The following AK5 variants were observed in gnomAD, a reference collection of about 807,000 sequenced individuals.
AK5 encodes the protein adenylate kinase 5, also known as adenylate kinase isoenzyme 5.
In AK5, 27 loss-of-function variants were observed where a neutral mutation model predicts 69.5. The observed-to-expected ratio is 0.39, with a 90% confidence interval of 0.29 to 0.54. AK5 has a LOEUF of 0.54. Among genes scored for constraint, AK5 ranks in the 20% least tolerant of loss-of-function variants. The pLI is 0.71. For missense variants in AK5, 531 were observed against 700.4 expected (o/e 0.76, Z 2.73); for synonymous variants, 260 against 244.4 (o/e 1.06, Z -0.60).
In AK5 at chr1:77,411,021, T is replaced by G. The variant is rs1387809218; in HGVS notation, c.932T>G (p.Ile311Ser). ...DRDEDEVFYD[I>S]SMAVDNKLFP... ...GATGAGGATGAGGTGTTCTATGACATCAGCATGGCAGTTGACAACAAGTTA... is the reference window on the plus strand; with the variant it reads ...GATGAGGATGAGGTGTTCTATGACAGCAGCATGGCAGTTGACAACAAGTTA... Residue 311 changes from isoleucine to serine, a missense_variant, in exon 7 of 14, where the codon ATC becomes AGC. Ile to Ser is a moderately radical substitution (Grantham distance 142). Coordinates refer to ENST00000354567, the MANE Select transcript of AK5 (RefSeq NM_174858.3). 6.2e-7 allele frequency: 1 copy of G among 1,613,966 alleles called. No individual in the cohort carries two copies. The highest frequency in any genetic ancestry group is 8.5e-7 in the Non-Finnish European group (1 of 1,179,920).
chr1:77,390,747 T>G (rs532221009), intron 6 of AK5, among the ~76,000 whole-genome samples: 23 of 152,238 alleles, frequency 1.5e-4, no homozygotes, highest in Non-Finnish European at 2.8e-4. Flanking sequence ...AATTTACATC[T>G]TTTTATGTAT....
chr1:77,401,304 A>C (rs1300542801), intron 6 of AK5, among the ~76,000 whole-genome samples: 3 of 152,240 alleles, frequency 2.0e-5, no homozygotes, highest in African/African-American at 7.2e-5. Flanking sequence ...ATCTCCAAAC[A>C]TATAAAAGAA....
intron 13 of AK5, among the ~76,000 whole-genome samples, chr1:77,554,754 C>T (rs1338711984): frequency 4.7e-5 from 7 of 150,416 alleles, no homozygotes; most frequent in East Asian, 4.0e-4. Flanking sequence ...TACAGGCGCC[C>T]GCCACCATGC....
At chr1:77,491,986 A>C (rs1656033024) in intron 10 of AK5, among the ~76,000 whole-genome samples, 1 of 152,168 alleles carries the variant, frequency 6.6e-6, no homozygotes, top group South Asian at 2.1e-4. Flanking sequence ...ATTTATTTTC[A>C]AGAAAATTTC....
At chr1:77,434,107 C>CATAAATAA (rs144552494) in intron 8 of AK5, among the ~76,000 whole-genome samples, 239 of 143,584 alleles carry the variant, frequency 1.7e-3, no homozygotes, top group African/African-American at 4.4e-3. Context: ...GAGTGCAAAG[C>CATAAATAA]ATAAATAAAT....
At chr1:77,300,140 A>G (rs1397321390) in intron 5 of AK5, among the ~76,000 whole-genome samples, 2 of 152,182 alleles carry the variant, frequency 1.3e-5, no homozygotes, top group African/African-American at 4.8e-5. Context: ...GAGGGAGGGA[A>G]GAGAGGATTC....
intron 8 of AK5, among the ~76,000 whole-genome samples, chr1:77,431,249 A>G (rs7537574): frequency 0.38 from 57,439 of 152,070 alleles, 11,757 homozygotes; most frequent in Non-Finnish European, 0.46. Context: ...ATTTCATTTG[A>G]TATTAGTGAA....
Position 77,472,243 on chromosome 1 carries a change from G to T in AK5, c.1060-11074G>T, listed in dbSNP as rs1261404775. On this transcript the variant is annotated intron_variant, in intron 8 of 13. Transcript: ENST00000354567. Reference sequence around the variant, plus strand: ...GTCCAGCAGGGACACAAGGTCACATGGGGCCCAGGCAGTTTCCCTATTTCC... The same window carrying T: ...GTCCAGCAGGGACACAAGGTCACATTGGGCCCAGGCAGTTTCCCTATTTCC... Among the ~76,000 whole-genome samples, 7 of 152,178 alleles carry T rather than the reference G, an allele frequency of 4.6e-5. No individual in the cohort carries two copies. In the South Asian group the frequency reaches 1.2e-3, roughly 27 times the overall value.
chr1:77,558,531 G>GTGTT, intron 13 of AK5, 71 bp from the exon 14 acceptor site: 2 of 975,282 alleles, frequency 2.1e-6, no homozygotes, highest in South Asian at 2.9e-5. Flanking sequence ...GCAAGTGATA[G>GTGTT]TGTTCTTTCA....
rs576485607 is a variant in AK5, at chr1:77,345,100, A to G, written c.891+4532A>G. The stretch of plus-strand genomic sequence containing the variant: ...ATTCAGCCAGAAAAACATGGATTTC[A>G]CCAGGGAAATGGATATACACTTGTG... On this transcript the variant is annotated intron_variant, in intron 6 of 13. Coordinates refer to ENST00000354567, the MANE Select transcript of AK5 (RefSeq NM_174858.3). Among the ~76,000 whole-genome samples the G allele has an allele frequency of 2.6e-5, 4 of 152,240 alleles. No homozygotes were observed. The South Asian group carries it at 6.2e-4, about 24-fold the overall frequency.
intron 6 of AK5, among the ~76,000 whole-genome samples, chr1:77,341,157 G>A (rs1008204920): frequency 1.3e-5 from 2 of 152,106 alleles, no homozygotes; most frequent in Non-Finnish European, 2.9e-5. Context: ...TTGTTTTATG[G>A]CTAATGATAT....
chr1:77,368,237 A>ATGT (rs1362600336), intron 6 of AK5, among the ~76,000 whole-genome samples: 3,259 of 7,820 alleles, frequency 0.42, 346 homozygotes, highest in East Asian at 0.46. Flanking sequence ...ATATATATAT[A>ATGT]TATATATATA....
chr1:77,325,544 A>T (rs1271736791), intron 5 of AK5, among the ~76,000 whole-genome samples: 1 of 152,126 alleles, frequency 6.6e-6, no homozygotes. Context: ...CCATATGATC[A>T]TGTGCTGCTC....
chr1:77,466,323 T>C (rs1654140663), intron 8 of AK5, among the ~76,000 whole-genome samples: 1 of 152,232 alleles, frequency 6.6e-6, no homozygotes, highest in Non-Finnish European at 1.5e-5. Flanking sequence ...GCTCCTGTTT[T>C]AATCATCCTA....
chr1:77,425,309 G>T (rs992054457), intron 8 of AK5, among the ~76,000 whole-genome samples: 25 of 152,188 alleles, frequency 1.6e-4, no homozygotes. Flanking sequence ...CATAGAGCCA[G>T]GCATGGTGGC....
chr1:77,478,523 C>A (rs962177560), intron 8 of AK5, among the ~76,000 whole-genome samples: 1 of 152,186 alleles, frequency 6.6e-6, no homozygotes, highest in African/African-American at 2.4e-5. Context: ...TGTGAGGGTT[C>A]TTCAGCCACG....
intron 8 of AK5, among the ~76,000 whole-genome samples, chr1:77,423,213 T>C (rs1182458181): frequency 2.1e-5 from 2 of 93,366 alleles, no homozygotes; most frequent in African/African-American, 4.5e-5. Context: ...AGAGCAAGAC[T>C]CCGTCTAAAA....
Position 77,297,895 on chromosome 1 carries a change from TTATTGA to T in AK5, c.649_654del (p.Ile217_Asp218del). The T allele has an allele frequency of 1.9e-6, 3 of 1,613,634 alleles. No homozygotes were observed. The highest frequency in any genetic ancestry group is 1.7e-6 in the Non-Finnish European group (2 of 1,179,804). On this transcript the variant is annotated inframe_deletion, in exon 5 of 14. Coordinates refer to ENST00000354567, the MANE Select transcript of AK5 (RefSeq NM_174858.3). Reference sequence around the variant, plus strand: ...CAAATACCTGATGAAGAGGGCATTGTTATTGATGGATTTCCAAGAGATGTTGCCCAG... The same window carrying T: ...CAAATACCTGATGAAGAGGGCATTGTTGGATTTCCAAGAGATGTTGCCCAG...
At chr1:77,490,957 C>T (rs1228852082) in intron 10 of AK5, among the ~76,000 whole-genome samples, 2 of 152,048 alleles carry the variant, frequency 1.3e-5, no homozygotes, top group Admixed American at 1.3e-4. Flanking sequence ...TTGGGAAACA[C>T]ATCTGACTTT....
Sources: gnomAD v4.1 joint callset for allele counts (sites outside exome capture counted in the v4.1 genomes callset) on GRCh38, gnomAD v4.1.1 for gene constraint, MANE v1.5 for transcripts, NCBI Gene and HGNC (gene_info 2026-07-23, HGNC 2026-07-21) for gene names.